The following ADCY2 variants were observed in gnomAD, a reference collection of about 807,000 sequenced individuals.
ADCY2 encodes the protein adenylate cyclase type 2.
In ADCY2, 31 loss-of-function variants were observed where a neutral mutation model predicts 125.2. The observed-to-expected ratio is 0.25, with a 90% confidence interval of 0.19 to 0.33. The LOEUF (loss-of-function observed/expected upper bound fraction) is 0.33, where lower values mean the gene tolerates loss of function less well. Ranked by LOEUF, ADCY2 falls within the 10% of genes least tolerant of loss-of-function variation. The probability of loss-of-function intolerance (pLI) is 1.00; values close to 1 mark genes in which losing one functional copy is unlikely to be tolerated. For synonymous variants in ADCY2, 512 were observed against 548.4 expected (o/e 0.93, Z 0.93); for missense variants, 904 against 1,418.2 (o/e 0.64, Z 5.82).
At chr5:7,665,931 C>T (rs1439997556) in intron 4 of ADCY2, among the ~76,000 whole-genome samples, 18 of 144,700 alleles carry the variant, frequency 1.2e-4, no homozygotes, top group African/African-American at 2.3e-4. Context: ...CTCTGCCTCC[C>T]GGGTTCACGC....
chr5:7,729,011 T>C (rs1017367270), intron 14 of ADCY2, among the ~76,000 whole-genome samples: 2 of 152,212 alleles, frequency 1.3e-5, no homozygotes, highest in Admixed American at 1.3e-4. Flanking sequence ...TGAGGACCCA[T>C]GGATGTTCAT....
intron 2 of ADCY2, among the ~76,000 whole-genome samples, chr5:7,419,362 G>A (rs902068129): frequency 3.9e-5 from 6 of 152,266 alleles, no homozygotes; most frequent in East Asian, 3.9e-4. Context: ...CAGGAAAACC[G>A]CCAGACATGG....
intron 2 of ADCY2, among the ~76,000 whole-genome samples, chr5:7,506,032 T>C (rs1201771587): frequency 2.0e-5 from 3 of 152,114 alleles, no homozygotes; most frequent in Non-Finnish European, 4.4e-5. Context: ...TTCAAAGCAA[T>C]TTTCCAGGAC....
rs558638920 is a variant in ADCY2, at chr5:7,479,291, A to G, written c.409-41447A>G. ...GAAACACTGTACTGGCTCATTCTTT[A>G]TGATTCAGGTGCTGGGATCATAACG... On this transcript the variant is annotated intron_variant, in intron 2 of 24. Coordinates refer to ENST00000338316, the MANE Select transcript of ADCY2 (RefSeq NM_020546.3). Among the ~76,000 whole-genome samples, 35 of 150,114 alleles carry G rather than the reference A, an allele frequency of 2.3e-4. No homozygotes were observed. The South Asian group carries it at 3.9e-3, about 17-fold the overall frequency.
chr5:7,670,197 AGGCGTGGCACTGAG>A (rs1343116493), intron 4 of ADCY2, among the ~76,000 whole-genome samples: 1 of 152,194 alleles, frequency 6.6e-6, no homozygotes, highest in African/African-American at 2.4e-5. Flanking sequence ...CACTACAGGG[AGGCGTGGCACTGAG>A]GGCCTTTCAG....
chr5:7,725,869 T>G (rs1416337205), intron 13 of ADCY2, among the ~76,000 whole-genome samples: 1 of 152,282 alleles, frequency 6.6e-6, no homozygotes, highest in Non-Finnish European at 1.5e-5. Flanking sequence ...AAACAGAAAG[T>G]GATCATTTAA....
chr5:7,553,312 C>T (rs930261203), intron 3 of ADCY2, among the ~76,000 whole-genome samples: 1 of 152,166 alleles, frequency 6.6e-6, no homozygotes, highest in Non-Finnish European at 1.5e-5. Flanking sequence ...ACCACAGTGG[C>T]GTTCACTGCA....
Position 7,565,086 on chromosome 5 carries a change from C to T in ADCY2, c.570+44187C>T, listed in dbSNP as rs142759628. ...TGAACTTGCTCATCTCCAGGCCACTCAGAGCCTGGAATAAACGCACATGGG... is the reference window on the plus strand; with the variant it reads ...TGAACTTGCTCATCTCCAGGCCACTTAGAGCCTGGAATAAACGCACATGGG... On this transcript the variant is annotated intron_variant, in intron 3 of 24. Coordinates refer to ENST00000338316, the MANE Select transcript of ADCY2 (RefSeq NM_020546.3). Among the ~76,000 whole-genome samples the T allele has an allele frequency of 3.0e-3, 460 of 152,340 alleles. 2 individuals carry two copies. The highest frequency in any genetic ancestry group is 4.9e-3 in the Non-Finnish European group (335 of 68,032).
intron 17 of ADCY2, among the ~76,000 whole-genome samples, chr5:7,768,162 A>G (rs938173644): frequency 6.6e-6 from 1 of 152,192 alleles, no homozygotes; most frequent in Non-Finnish European, 1.5e-5. Context: ...GGGGGGTGCT[A>G]TAGGTTCATC....
chr5:7,814,264 G>A (rs1745033420), intron 22 of ADCY2, among the ~76,000 whole-genome samples: 2 of 152,158 alleles, frequency 1.3e-5, no homozygotes, highest in African/African-American at 4.8e-5. Context: ...CTTGAACAGA[G>A]ATTTAATTCT....
chr5:7,667,025 AAC>A (rs1268884243), intron 4 of ADCY2, among the ~76,000 whole-genome samples: 1 of 152,204 alleles, frequency 6.6e-6, no homozygotes, highest in African/African-American at 2.4e-5. Flanking sequence ...GCTGTCCTGG[AAC>A]TTGATGGGAT....
At chr5:7,724,446 C>A in intron 12 of ADCY2, 99 bp from the exon 13 acceptor site, 28 of 812,378 alleles carry the variant, frequency 3.4e-5, no homozygotes, top group Non-Finnish European at 5.3e-5. Context: ...CGGAATGATA[C>A]ACAATAAAGA....
At chr5:7,503,529 C>A (rs1403255925) in intron 2 of ADCY2, among the ~76,000 whole-genome samples, 1 of 152,170 alleles carries the variant, frequency 6.6e-6, no homozygotes, top group African/African-American at 2.4e-5. Flanking sequence ...AGCATAGGGA[C>A]AAGAAAGCTG....
chr5:7,789,893 G>A, intron 20 of ADCY2, 93 bp downstream of exon 20: 1 of 1,001,514 alleles, frequency 1.0e-6, no homozygotes, highest in Non-Finnish European at 1.4e-6. Context: ...CATAAAGGCT[G>A]CAGTACTTCA....
At chr5:7,444,417 T>G (rs1295264539) in intron 2 of ADCY2, among the ~76,000 whole-genome samples, 1 of 152,008 alleles carries the variant, frequency 6.6e-6, no homozygotes, top group African/African-American at 2.4e-5. Flanking sequence ...GCCGGGGCTG[T>G]TTTTATCTTT....
chr5:7,661,478 T>C (rs1198303754), intron 4 of ADCY2, among the ~76,000 whole-genome samples: 1 of 152,212 alleles, frequency 6.6e-6, no homozygotes, highest in East Asian at 1.9e-4. Context: ...TAAATGCAAG[T>C]GGATTAAACT....
At chr5:7,815,960 C>A (rs1160403876) in intron 22 of ADCY2, among the ~76,000 whole-genome samples, 1 of 152,230 alleles carries the variant, frequency 6.6e-6, no homozygotes, top group East Asian at 1.9e-4. Context: ...CTCCCCCTGT[C>A]GGGCCTCTTT....
At chr5:7,544,921 GTGTT>G (rs1735104373) in intron 3 of ADCY2, among the ~76,000 whole-genome samples, 1 of 152,228 alleles carries the variant, frequency 6.6e-6, no homozygotes, top group Non-Finnish European at 1.5e-5. Context: ...GGAACCCTGA[GTGTT>G]TGATGGGTAT....
At chr5:7,507,598 T>G (rs1206915810) in intron 2 of ADCY2, among the ~76,000 whole-genome samples, 1 of 152,224 alleles carries the variant, frequency 6.6e-6, no homozygotes, top group African/African-American at 2.4e-5. Flanking sequence ...GGAGGCACTT[T>G]CTGATAAACA....
Sources: allele counts gnomAD v4.1 joint callset (sites outside exome capture counted in the v4.1 genomes callset), GRCh38; gene constraint gnomAD v4.1.1; transcripts MANE v1.5; gene names NCBI Gene and HGNC (gene_info 2026-07-23, HGNC 2026-07-21).